Variants in AP1S3 observed in about 807,000 individuals in gnomAD.
AP1S3 encodes the protein AP-1 complex subunit sigma-3.
A neutral mutation model predicts 20.9 loss-of-function variants in AP1S3; 10 were observed. The observed-to-expected ratio is 0.48, with a 90% CI of 0.29 to 0.81. The LOEUF (loss-of-function observed/expected upper bound fraction) is 0.81, where lower values mean the gene tolerates loss of function less well. Among genes scored for constraint, AP1S3 ranks in the 30% least tolerant of loss-of-function variants. The pLI, the probability that AP1S3 is intolerant of heterozygous loss-of-function variation, is 0.08. For missense variants in AP1S3, 154 were observed against 183.8 expected, an observed-to-expected ratio of 0.84 and a Z score of 0.94; for synonymous variants, 41 against 61.5, an observed-to-expected ratio of 0.67 and a Z score of 1.56.
At chr2:223,780,357 A>AGTGTGTGTGTGTGTGT (rs57103665) in intron 1 of AP1S3, among the ~76,000 whole-genome samples, 7 of 44,444 alleles carry the variant, frequency 1.6e-4, no homozygotes, top group East Asian at 1.2e-3. Flanking sequence ...AGAGAGAGAG[A>AGTGTGTGTGTGTGTGT]GTGTGTGTGT....
chr2:223,831,052 T>G (rs1359522587), intron 1 of AP1S3, among the ~76,000 whole-genome samples: 1 of 152,062 alleles, frequency 6.6e-6, no homozygotes, highest in Non-Finnish European at 1.5e-5. Context: ...AGAGACTGAG[T>G]CTCACTGGTC....
intron 3 of AP1S3, among the ~76,000 whole-genome samples, chr2:223,770,532 C>CACACACACACACA (rs60585278): frequency 0.022 from 2,002 of 89,810 alleles, 65 homozygotes; most frequent in East Asian, 0.11. Flanking sequence ...ACACACACAC[C>CACACACACACACA]CCTTGATATA....
At chr2:223,823,737 A>G (rs1198406303) in intron 1 of AP1S3, among the ~76,000 whole-genome samples, 1 of 152,190 alleles carries the variant, frequency 6.6e-6, no homozygotes, top group Non-Finnish European at 1.5e-5. Flanking sequence ...AGTATATTTT[A>G]TGTGTTCTCA....
chr2:223,758,653 G>A lies in AP1S3; in HGVS notation c.*62C>T. 6.7e-7 allele frequency: 1 copy of A among 1,495,568 alleles called. No individual in the cohort carries two copies. The highest frequency in any genetic ancestry group is 8.9e-7 in the Non-Finnish European group (1 of 1,121,506). 92.6% of individuals were successfully genotyped at this position (1,495,568 alleles called of 1,614,324 possible). ...GAGGCTCCATCAAAAAACCGGATGG[G>A]AGGCGTTGCTTATTTACAGCTTCAT... On this transcript the variant is annotated 3_prime_UTR_variant, in exon 5 of 5. Transcript: ENST00000396654.
At position 223,777,859 on chromosome 2, in the gene AP1S3, A is replaced by G. The variant is rs564452593; in HGVS notation, c.14T>C (p.Ile5Thr). The change falls in exon 2 of 5, where the codon ATA (isoleucine) becomes ACA (threonine). Residue 5 changes from isoleucine to threonine, a missense_variant. Transcript: ENST00000396654. The part of the protein sequence containing the change: MIHF[I>T]LLFSRQGKLR... ...TTTCCCTTGTCGACTGAAGAGCAAT[A>G]TGAAATGTATCTAGAACAAAGGACA... is the stretch of plus-strand genomic sequence containing the variant. The G allele has an allele frequency of 6.2e-7, 1 of 1,613,570 alleles. No individual in the cohort carries two copies. The highest frequency in any genetic ancestry group is 2.2e-5 in the East Asian group (1 of 44,852).
At chr2:223,794,026 T>C (rs567521000) in intron 1 of AP1S3, among the ~76,000 whole-genome samples, 1 of 152,330 alleles carries the variant, frequency 6.6e-6, no homozygotes, top group East Asian at 1.9e-4. Context: ...CTACATATGC[T>C]CCTCAGCTAT....
chr2:223,756,572 T>C lies in AP1S3; in HGVS notation c.*2143A>G. 2.0e-6 allele frequency: 2 copies of C among 985,300 alleles called. No homozygotes were observed. Among genetic ancestry groups the C allele is most frequent in the Non-Finnish European group, 1.2e-6 (1 of 829,890 alleles). The allele number at this position is 985,300 out of a possible 1,614,324, so 61.0% of individuals were successfully genotyped here. A position where few individuals can be genotyped will look rare whatever the true frequency, so the allele number is the denominator to read the frequency against. ...AGTAAACACAGTGGTCAATCATACA[T>C]GATAAACTTCAAGCTGATGCCATAA... On this transcript the variant is annotated 3_prime_UTR_variant, in exon 5 of 5. Transcript: ENST00000396654.
At chr2:223,779,465 T>G (rs769377263) in intron 1 of AP1S3, among the ~76,000 whole-genome samples, 22 of 152,200 alleles carry the variant, frequency 1.4e-4, no homozygotes, top group Non-Finnish European at 2.5e-4. Context: ...TTTTGGGAAT[T>G]GTCAGATGGC....
chr2:223,800,755 C>T (rs545012031), intron 1 of AP1S3, among the ~76,000 whole-genome samples: 4 of 152,278 alleles, frequency 2.6e-5, no homozygotes, highest in East Asian at 3.9e-4. Context: ...ATACTAGAAG[C>T]TTTCCCTTTC....
At chr2:223,784,507 C>T (rs73086171) in intron 1 of AP1S3, among the ~76,000 whole-genome samples, 12,021 of 152,150 alleles carry the variant, frequency 0.079, 1,586 homozygotes, top group African/African-American at 0.27. Context: ...AGCACGGCAT[C>T]GTCACTCCCA....
At chr2:223,817,161 A>T (rs1044047196) in intron 1 of AP1S3, among the ~76,000 whole-genome samples, 49 of 152,148 alleles carry the variant, frequency 3.2e-4, no homozygotes, top group Non-Finnish European at 1.3e-4. Context: ...CAATAAAATT[A>T]GGCCTCCGTA....
intron 1 of AP1S3, among the ~76,000 whole-genome samples, chr2:223,834,987 C>T (rs1692361673): frequency 8.0e-6 from 1 of 125,356 alleles, no homozygotes; most frequent in African/African-American, 3.0e-5. Flanking sequence ...CTTATGTAGA[C>T]ACAAGAAAAC....
At chr2:223,803,205 T>C (rs1275312459) in intron 1 of AP1S3, among the ~76,000 whole-genome samples, 1 of 152,218 alleles carries the variant, frequency 6.6e-6, no homozygotes, top group Admixed American at 6.5e-5. Flanking sequence ...CTCCAAGATC[T>C]TCCATATTCA....
chr2:223,776,027 C>A lies in AP1S3; in HGVS notation c.183-18G>T, dbSNP rs371056615. 1 of 1,598,412 alleles carries A rather than the reference C, an allele frequency of 6.3e-7. No individual in the cohort carries two copies. Among genetic ancestry groups the A allele is most frequent in the South Asian group, 1.1e-5 (1 of 90,144 alleles). On this transcript the variant is annotated intron_variant, in intron 2 of 4. Transcript: ENST00000396654. ...TAGCATACCTTGAAATGAAAAATAA[C>A]AAAAGCAAAATATGACAATACATTA...
intron 3 of AP1S3, chr2:223,770,327 T>C (rs1042408384): frequency 1.2e-5 from 18 of 1,550,284 alleles, no homozygotes; most frequent in East Asian, 2.4e-5. Flanking sequence ...ATTAAACTCC[T>C]GCAAAGTGAA....
chr2:223,798,305 C>A (rs1691391494), intron 1 of AP1S3, among the ~76,000 whole-genome samples: 1 of 152,118 alleles, frequency 6.6e-6, no homozygotes. Flanking sequence ...TTTTCCTAAT[C>A]CTTGCACACC....
intron 1 of AP1S3, among the ~76,000 whole-genome samples, chr2:223,781,852 T>A (rs935988261): frequency 6.6e-6 from 1 of 152,154 alleles, no homozygotes; most frequent in Non-Finnish European, 1.5e-5. Context: ...TCTCTTGCAT[T>A]TCCTGCTAGA....
chr2:223,775,048 C>T (rs1403874477), intron 3 of AP1S3, among the ~76,000 whole-genome samples: 2 of 62,746 alleles, frequency 3.2e-5, no homozygotes, highest in African/African-American at 7.7e-5. Flanking sequence ...TCAAGAAGGG[C>T]GAATTTAAAG....
chr2:223,819,314 T>C (rs1691930296), intron 1 of AP1S3, among the ~76,000 whole-genome samples: 1 of 152,214 alleles, frequency 6.6e-6, no homozygotes, highest in African/African-American at 2.4e-5. Flanking sequence ...TAAAGCTTTT[T>C]TGAGGGAGAA....
Sources: gnomAD v4.1 joint callset for allele counts (sites outside exome capture counted in the v4.1 genomes callset) on GRCh38, gnomAD v4.1.1 for gene constraint, MANE v1.5 for transcripts, NCBI Gene and HGNC (gene_info 2026-07-23, HGNC 2026-07-21) for gene names.